FNIP2: variants seen among roughly 807,000 people sequenced by gnomAD.
FNIP2 encodes the protein folliculin interacting protein 2.
FNIP2 carries 32 observed loss-of-function variants against 108.7 expected under a neutral mutation model. The ratio of observed to expected loss-of-function variants is 0.29; its 90% CI spans 0.22 to 0.40. The LOEUF is 0.40. FNIP2 is among the 10% of genes least tolerant of loss of function. FNIP2 has a pLI of 1.00. For synonymous variants in FNIP2, 480 were observed against 496.7 expected (o/e 0.97, Z 0.45); for missense variants, 1,202 against 1,381.6 (o/e 0.87, Z 2.06).
At chr4:158,848,346 G>A (rs1325535501) in intron 7 of FNIP2, among the ~76,000 whole-genome samples, 1 of 152,200 alleles carries the variant, frequency 6.6e-6, no homozygotes, top group Non-Finnish European at 1.5e-5. Flanking sequence ...AAGAGTCTTT[G>A]CCTGGTAATC....
chr4:158,903,660 T>C (rs1475965394), intron 16 of FNIP2, among the ~76,000 whole-genome samples: 2 of 152,220 alleles, frequency 1.3e-5, no homozygotes, highest in Non-Finnish European at 1.5e-5. Context: ...AGAGAACTTC[T>C]GTGCACTCTG....
intron 7 of FNIP2, among the ~76,000 whole-genome samples, chr4:158,843,741 C>G (rs1248710984): frequency 6.6e-6 from 1 of 152,096 alleles, no homozygotes; most frequent in African/African-American, 2.4e-5. Context: ...GCAGAATGAG[C>G]CTGGAGAGGA....
chr4:158,804,704 A>G lies in FNIP2; in HGVS notation c.108-21212A>G, dbSNP rs535551925. ...TGCGATTATAGGCTTGATCTACAGT[A>G]GTTTTCATAGTGCTTGTATAAGTAA... On this transcript the variant is annotated intron_variant, in intron 1 of 16. Transcript: ENST00000264433. 2.6e-5 allele frequency among the ~76,000 whole-genome samples: 4 copies of G among 152,284 alleles called. No individual in the cohort carries two copies. The East Asian group carries it at 7.7e-4, about 29-fold the overall frequency.
intron 1 of FNIP2, among the ~76,000 whole-genome samples, chr4:158,820,711 A>T (rs1407033819): frequency 0.1 from 1 of 10 alleles, no homozygotes; most frequent in Non-Finnish European, 0.25. Flanking sequence ...ACCCAGTGAT[A>T]ACTGTCTTTT....
chr4:158,857,133 CT>C lies in FNIP2; in HGVS notation c.858-1923del, dbSNP rs530809864. 8.5e-5 allele frequency among the ~76,000 whole-genome samples: 13 copies of C among 152,274 alleles called. No homozygotes were observed. The South Asian group carries it at 2.5e-3, about 29-fold the overall frequency. ...ATAGGGTGGAGATGTTGATGAGAAA[CT>C]GTATTGGGTTCAGTGTTTATTATAA... On this transcript the variant is annotated intron_variant, in intron 8 of 16. Transcript: ENST00000264433.
chr4:158,779,560 T>C (rs1470764885), intron 1 of FNIP2, among the ~76,000 whole-genome samples: 10 of 125,534 alleles, frequency 8.0e-5, no homozygotes, highest in Non-Finnish European at 1.6e-4. Flanking sequence ...AAATATCCTT[T>C]GTTGGTCGTG....
intron 1 of FNIP2, among the ~76,000 whole-genome samples, chr4:158,824,943 A>C (rs1195174563): frequency 1.3e-5 from 2 of 152,060 alleles, no homozygotes; most frequent in African/African-American, 4.8e-5. Flanking sequence ...CTACCCCTTC[A>C]ATCTGGAAAT....
chr4:158,891,971 AG>A (rs1782304169), intron 15 of FNIP2, among the ~76,000 whole-genome samples: 1 of 152,158 alleles, frequency 6.6e-6, no homozygotes, highest in Non-Finnish European at 1.5e-5. Context: ...TCCTTTTATT[AG>A]ATTGATATTT....
rs1306485568 is a variant in FNIP2, at chr4:158,891,386, A to T, written c.2950-60A>T. 14 of 1,474,460 alleles carry T rather than the reference A, an allele frequency of 9.5e-6. No individual in the cohort carries two copies. In the Middle Eastern group the frequency reaches 6.9e-4, roughly 73 times the overall value. The allele number at this position is 1,474,460 out of a possible 1,614,324, so 91.3% of individuals were successfully genotyped here. A position where few individuals can be genotyped will look rare whatever the true frequency, so the allele number is the denominator to read the frequency against. On this transcript the variant is annotated intron_variant, in intron 14 of 16. Transcript: ENST00000264433. ...TTTAAATGTATTTATCAGTAGTGAA[A>T]CTTTGACCTTTTGGACTCACCTGGA...
At chr4:158,793,966 T>C (rs1776503061) in intron 1 of FNIP2, among the ~76,000 whole-genome samples, 1 of 152,194 alleles carries the variant, frequency 6.6e-6, no homozygotes, top group Non-Finnish European at 1.5e-5. Context: ...ACATGTCTAG[T>C]CGGCCCTTGA....
At chr4:158,902,415 C>G (rs917509463) in intron 16 of FNIP2, among the ~76,000 whole-genome samples, 1 of 152,220 alleles carries the variant, frequency 6.6e-6, no homozygotes, top group African/African-American at 2.4e-5. Flanking sequence ...GTATGAGGTT[C>G]TGTCGGCCCC....
At chr4:158,872,831 C>G in intron 14 of FNIP2, 2 of 836,692 alleles carry the variant, frequency 2.4e-6, no homozygotes, top group Non-Finnish European at 2.9e-6. Flanking sequence ...AAACATTATT[C>G]CGAATTTACT....
intron 12 of FNIP2, among the ~76,000 whole-genome samples, chr4:158,865,738 A>G: frequency 6.6e-6 from 1 of 152,198 alleles, no homozygotes; most frequent in East Asian, 1.9e-4. Context: ...TCAAAGTGTT[A>G]ACAGTAATGA....
At chr4:158,812,826 A>G (rs568814971) in intron 1 of FNIP2, among the ~76,000 whole-genome samples, 1 of 151,412 alleles carries the variant, frequency 6.6e-6, no homozygotes, top group South Asian at 2.1e-4. Flanking sequence ...GTATAATGAC[A>G]TGTATCCACT....
chr4:158,880,499 G>A (rs1176443019), intron 14 of FNIP2, among the ~76,000 whole-genome samples: 1 of 152,150 alleles, frequency 6.6e-6, no homozygotes, highest in Admixed American at 6.5e-5. Flanking sequence ...TAAATGACGA[G>A]TTAATGGGTG....
chr4:158,867,258 T>C (rs1293335215), intron 12 of FNIP2, among the ~76,000 whole-genome samples: 1 of 152,214 alleles, frequency 6.6e-6, no homozygotes, highest in African/African-American at 2.4e-5. Flanking sequence ...AGTGGTGCCA[T>C]CTCAGCTCAC....
At chr4:158,873,157 AAG>A (rs1450458586) in intron 14 of FNIP2, among the ~76,000 whole-genome samples, 6 of 145,876 alleles carry the variant, frequency 4.1e-5, no homozygotes, top group African/African-American at 1.7e-4. Flanking sequence ...AAAAAAAAAA[AAG>A]AAAAAACAAA....
chr4:158,829,984 T>A (rs922600496), intron 3 of FNIP2, among the ~76,000 whole-genome samples: 14 of 152,182 alleles, frequency 9.2e-5, no homozygotes, highest in Admixed American at 3.3e-4. Flanking sequence ...TTTGCCCTTT[T>A]TGAGACACAG....
chr4:158,866,925 A>G (rs925723599), intron 12 of FNIP2, among the ~76,000 whole-genome samples: 14 of 152,236 alleles, frequency 9.2e-5, no homozygotes, highest in African/African-American at 1.2e-4. Context: ...GTTAGTAAAC[A>G]TAGGTTCTTT....
Sources: allele counts gnomAD v4.1 joint callset (sites outside exome capture counted in the v4.1 genomes callset), GRCh38; gene constraint gnomAD v4.1.1; transcripts MANE v1.5; gene names NCBI Gene and HGNC (gene_info 2026-07-23, HGNC 2026-07-21).